GPR149: variants seen among roughly 807,000 people sequenced by gnomAD.
GPR149 encodes probable G protein-coupled receptor 149.
In GPR149, 50 loss-of-function variants were observed where a neutral mutation model predicts 50.2. That is an observed-to-expected ratio of 1.00 (90% CI 0.79 to 1.26). GPR149 has a LOEUF of 1.26. GPR149 is among the 50% of genes most tolerant of loss of function. The pLI, the probability that GPR149 is intolerant of heterozygous loss-of-function variation, is 0.00. For synonymous variants in GPR149, 405 were observed against 358.2 expected (o/e 1.13, Z -1.48); for missense variants, 983 against 895.4 (o/e 1.10, Z -1.25).
intron 3 of GPR149, among the ~76,000 whole-genome samples, chr3:154,408,822 A>G (rs372650577): frequency 5.9e-5 from 9 of 152,182 alleles, no homozygotes; most frequent in African/African-American, 2.2e-4. Context: ...AGAAACCTGA[A>G]TACTTAACCA....
At position 154,338,210 on chromosome 3, in the gene GPR149, G is replaced by A. The variant is rs1423380268; in HGVS notation, c.1685C>T (p.Ala562Val). The A allele has an allele frequency of 6.2e-7, 1 of 1,613,444 alleles. No homozygotes were observed. The highest frequency in any genetic ancestry group is 8.5e-7 in the Non-Finnish European group (1 of 1,179,774). Residue 562 changes from alanine to valine, a missense_variant, in exon 4 of 4, where the codon GCA (alanine) becomes GTA (valine). Physicochemically the swap from Ala to Val is moderately conservative, Grantham distance 64. Coordinates refer to ENST00000389740, the MANE Select transcript of GPR149 (RefSeq NM_001038705.3). ...CAFQGTVSLH[A>V]PTGKTLSLST... ...AAGAGATAGGGTTTTCCCTGTAGGT[G>A]CATGGAGAGACACAGTCCCCTGGAA...
At chr3:154,420,226 G>GA (rs11328414) in intron 3 of GPR149, among the ~76,000 whole-genome samples, 1 of 151,376 alleles carries the variant, frequency 6.6e-6, no homozygotes, top group Non-Finnish European at 1.5e-5. Context: ...AACTCATGTA[G>GA]AAAAAAAGAC....
intron 3 of GPR149, among the ~76,000 whole-genome samples, chr3:154,405,094 A>G (rs1057365602): frequency 6.6e-6 from 1 of 152,210 alleles, no homozygotes; most frequent in Admixed American, 6.5e-5. Flanking sequence ...AGAAGTAGTA[A>G]AGCAATTTCT....
At chr3:154,358,132 G>T (rs191149187) in intron 3 of GPR149, among the ~76,000 whole-genome samples, 3,519 of 151,660 alleles carry the variant, frequency 0.023, 59 homozygotes, top group Middle Eastern at 0.041. Flanking sequence ...ACACACTGGG[G>T]CCTGTTGTGG....
chr3:154,385,022 G>A (rs908696083), intron 3 of GPR149, among the ~76,000 whole-genome samples: 5 of 152,202 alleles, frequency 3.3e-5, no homozygotes, highest in Admixed American at 6.5e-5. Flanking sequence ...GCGTGTGATA[G>A]TATGTGTGTC....
At chr3:154,344,577 C>T (rs1465664422) in intron 3 of GPR149, among the ~76,000 whole-genome samples, 2 of 151,944 alleles carry the variant, frequency 1.3e-5, no homozygotes, top group Non-Finnish European at 2.9e-5. Flanking sequence ...GAGGTCATAC[C>T]GAATGAAGAT....
intron 3 of GPR149, among the ~76,000 whole-genome samples, chr3:154,420,804 A>AAG (rs1471460408): frequency 6.6e-6 from 1 of 151,952 alleles, no homozygotes; most frequent in Non-Finnish European, 1.5e-5. Context: ...ACCCTTCTTA[A>AAG]AGAGCCTGTT....
intron 3 of GPR149, among the ~76,000 whole-genome samples, chr3:154,402,119 C>T (rs1283797878): frequency 6.6e-6 from 1 of 152,140 alleles, no homozygotes; most frequent in East Asian, 1.9e-4. Flanking sequence ...GAGATCCTTG[C>T]TACTGCAGAA....
At chr3:154,400,917 G>A (rs1388879393) in intron 3 of GPR149, among the ~76,000 whole-genome samples, 2 of 152,138 alleles carry the variant, frequency 1.3e-5, no homozygotes, top group Non-Finnish European at 2.9e-5. Context: ...ATTTTATCTA[G>A]AGTAATATTT....
intron 3 of GPR149, among the ~76,000 whole-genome samples, chr3:154,344,081 A>G (rs1397406901): frequency 6.6e-6 from 1 of 152,218 alleles, no homozygotes; most frequent in Admixed American, 6.5e-5. Flanking sequence ...AAGTGATTAA[A>G]TAATCCTATG....
At chr3:154,353,251 C>T (rs1234230957) in intron 3 of GPR149, 2 of 1,467,670 alleles carry the variant, frequency 1.4e-6, no homozygotes, top group Non-Finnish European at 1.9e-6. Context: ...AAGTGTTCCA[C>T]AGTAGTTGCA....
chr3:154,358,543 C>T (rs1714301682), intron 3 of GPR149, among the ~76,000 whole-genome samples: 1 of 152,042 alleles, frequency 6.6e-6, no homozygotes, highest in Non-Finnish European at 1.5e-5. Context: ...ATCAATAAAG[C>T]ATTGTTGTTG....
chr3:154,335,573 A>G lies in GPR149; in HGVS notation c.*2126T>C, dbSNP rs1272590231. 2 of 152,188 alleles carry G rather than the reference A, an allele frequency of 1.3e-5. No homozygotes were observed. Among genetic ancestry groups the G allele is most frequent in the African/African-American group, 4.8e-5 (2 of 41,466 alleles). 9.4% of individuals were successfully genotyped at this position (152,188 alleles called of 1,614,324 possible). A position where few individuals can be genotyped will look rare whatever the true frequency, so the allele number is the denominator to read the frequency against. ...GAATTTTTATGTGCATCCATTATAC[A>G]GTTAATTCAACAACCAAGGGCAATT... On this transcript the variant is annotated 3_prime_UTR_variant, in exon 4 of 4. Coordinates refer to ENST00000389740, the MANE Select transcript of GPR149 (RefSeq NM_001038705.3).
intron 3 of GPR149, among the ~76,000 whole-genome samples, chr3:154,406,392 C>T (rs1010869084): frequency 1.3e-5 from 2 of 151,998 alleles, no homozygotes; most frequent in East Asian, 1.9e-4. Flanking sequence ...TTTATTTGAC[C>T]GAGAAACTCT....
chr3:154,377,346 G>A (rs1714815344), intron 3 of GPR149, among the ~76,000 whole-genome samples: 1 of 111,812 alleles, frequency 8.9e-6, no homozygotes, highest in Non-Finnish European at 1.8e-5. Context: ...GATCTGCTCT[G>A]TAATTATTAT....
intron 3 of GPR149, among the ~76,000 whole-genome samples, chr3:154,371,278 A>AT (rs921375538): frequency 3.9e-5 from 6 of 152,118 alleles, no homozygotes; most frequent in Non-Finnish European, 5.9e-5. Context: ...AACTTCAGGC[A>AT]TTTTTTTCAT....
chr3:154,339,601 C>A (rs1297351706), intron 3 of GPR149, among the ~76,000 whole-genome samples: 6 of 152,028 alleles, frequency 3.9e-5, no homozygotes, highest in Non-Finnish European at 7.4e-5. Context: ...GACAAATGGG[C>A]AGGAGTCGGG....
Position 154,427,658 on chromosome 3 carries a change from C to G in GPR149, c.1032G>C (p.Glu344Asp). 6.2e-7 allele frequency: 1 copy of G among 1,614,130 alleles called. No homozygotes were observed. The highest frequency in any genetic ancestry group is 1.1e-5 in the South Asian group (1 of 91,080). The change falls in exon 2 of 4, where the codon GAG becomes GAC. Residue 344 changes from glutamate to aspartate, a missense_variant. Coordinates refer to ENST00000389740, the MANE Select transcript of GPR149 (RefSeq NM_001038705.3). ...NVVGFQSLPL[E>D]TFSFLLTLLA... is the part of the protein sequence containing the mutation. ...GCAGGGTAAGTAGAAAGCTGAATGT[C>G]TCCAAGGGAAGGCTCTGAAACCCCA...
intron 2 of GPR149, among the ~76,000 whole-genome samples, chr3:154,424,924 T>G (rs938450819): frequency 2.0e-5 from 3 of 151,694 alleles, no homozygotes; most frequent in African/African-American, 7.2e-5. Flanking sequence ...ATACAATGTG[T>G]TTGACATTTA....
Sources: allele counts gnomAD v4.1 joint callset (sites outside exome capture counted in the v4.1 genomes callset), GRCh38; gene constraint gnomAD v4.1.1; transcripts MANE v1.5; gene names NCBI Gene and HGNC (gene_info 2026-07-23, HGNC 2026-07-21).